Variants in PVT1 observed in about 807,000 individuals in gnomAD.
PVT1 encodes the protein Pvt1 oncogene.
At chr8:128,048,832 G>GT (rs1182314512) in intron 4 of PVT1, among the ~76,000 whole-genome samples, 3 of 152,208 alleles carry the variant, frequency 2.0e-5, no homozygotes, top group Non-Finnish European at 1.5e-5. Flanking sequence ...GGAGAAATGT[G>GT]TGGAGAGCCC....
chr8:128,099,300 A>T (rs965643109), intron 6 of PVT1: 2 of 152,148 alleles, frequency 1.3e-5, no homozygotes, highest in Non-Finnish European at 2.9e-5. Context: ...AGGCCAAGAG[A>T]CCTCTAGGTC....
intron 4 of PVT1, among the ~76,000 whole-genome samples, chr8:128,008,126 A>G (rs891151992): frequency 2.0e-5 from 3 of 152,220 alleles, no homozygotes; most frequent in African/African-American, 7.2e-5. Context: ...AGGAGCAGTG[A>G]TTCTTTAAGT....
intron 4 of PVT1, among the ~76,000 whole-genome samples, chr8:128,018,856 T>C (rs192696818): frequency 9.1e-4 from 138 of 152,284 alleles, no homozygotes; most frequent in Admixed American, 2.5e-3. Context: ...AATCCGACAG[T>C]GGTAGGGAAA....
At chr8:127,891,004 G>C (rs1815594256) in intron 3 of PVT1, 1 of 152,634 alleles carries the variant, frequency 6.6e-6, no homozygotes, top group Non-Finnish European at 1.5e-5. Context: ...TTGAGGTGAG[G>C]CTGTCCTGGC....
intron 2 of PVT1, among the ~76,000 whole-genome samples, chr8:127,819,109 G>A (rs977526110): frequency 2.0e-5 from 3 of 152,156 alleles, no homozygotes; most frequent in African/African-American, 7.2e-5. Context: ...CGAGCCCCGG[G>A]GTAGGCACAC....
chr8:127,935,147 G>A (rs1258308622), intron 3 of PVT1, among the ~76,000 whole-genome samples: 2 of 152,072 alleles, frequency 1.3e-5, no homozygotes, highest in Non-Finnish European at 2.9e-5. Flanking sequence ...TGTATTTTTA[G>A]TAGAGACGGG....
chr8:127,988,980 A>C lies in PVT1; in HGVS notation n.783-182A>C, dbSNP rs574594953. Reference sequence around the variant, plus strand: ...GGATTAAACAGTTTAATGTGTATAAAATGCCTAACACAGTGCTTGCCACAT... The same window carrying C: ...GGATTAAACAGTTTAATGTGTATAACATGCCTAACACAGTGCTTGCCACAT... On this transcript the variant is annotated intron_variant and non_coding_transcript_variant, in intron 3 of 10. Coordinates refer to ENST00000651587, the Ensembl canonical transcript of PVT1. Among the ~76,000 whole-genome samples the C allele has an allele frequency of 1.3e-4, 20 of 152,310 alleles. No individual in the cohort carries two copies. The East Asian group carries it at 2.1e-3, about 16-fold the overall frequency.
At chr8:127,908,128 G>C (rs184047194) in intron 3 of PVT1, among the ~76,000 whole-genome samples, 1 of 151,952 alleles carries the variant, frequency 6.6e-6, no homozygotes, top group Non-Finnish European at 1.5e-5. Context: ...CCTTCTTTTT[G>C]TGTGTTGGGT....
intron 4 of PVT1, among the ~76,000 whole-genome samples, chr8:128,012,467 C>T (rs1304467893): frequency 6.6e-6 from 1 of 152,150 alleles, no homozygotes; most frequent in Non-Finnish European, 1.5e-5. Flanking sequence ...ATGGAGGCTT[C>T]AAGAGTTGAG....
intron 4 of PVT1, among the ~76,000 whole-genome samples, chr8:128,053,985 G>A (rs1339786696): frequency 1.3e-5 from 2 of 152,238 alleles, no homozygotes; most frequent in Admixed American, 6.5e-5. Context: ...GTAGGAAACA[G>A]CTGCCTTTAG....
At chr8:128,083,900 G>C (rs1286672090) in intron 5 of PVT1, among the ~76,000 whole-genome samples, 1 of 152,134 alleles carries the variant, frequency 6.6e-6, no homozygotes, top group Non-Finnish European at 1.5e-5. Flanking sequence ...GCAATATTTT[G>C]AAATATACCT....
At chr8:128,095,464 G>A (rs1483418311) in intron 5 of PVT1, among the ~76,000 whole-genome samples, 2 of 152,210 alleles carry the variant, frequency 1.3e-5, no homozygotes, top group South Asian at 4.1e-4. Context: ...CCTGGCACAC[G>A]ATAGAATCTC....
At chr8:128,100,938 A>T (rs1327429758) in intron 6 of PVT1, 1 of 152,226 alleles carries the variant, frequency 6.6e-6, no homozygotes, top group Admixed American at 6.5e-5. Context: ...TCCTGTGAAT[A>T]ACACTACTAT....
chr8:127,796,498 G>T (rs1258529904), intron 2 of PVT1, among the ~76,000 whole-genome samples: 1 of 151,922 alleles, frequency 6.6e-6, no homozygotes, highest in African/African-American at 2.4e-5. Context: ...CGCCTCCTGA[G>T]CGGTAGGCAG....
intron 3 of PVT1, among the ~76,000 whole-genome samples, chr8:127,904,568 A>T (rs550607851): frequency 6.6e-6 from 1 of 152,212 alleles, no homozygotes; most frequent in Non-Finnish European, 1.5e-5. Flanking sequence ...GTGGTAGCCA[A>T]TACCTGGGAA....
intron 3 of PVT1, among the ~76,000 whole-genome samples, chr8:127,969,988 T>C (rs1360123006): frequency 6.6e-6 from 1 of 152,182 alleles, no homozygotes; most frequent in African/African-American, 2.4e-5. Flanking sequence ...ATGGATGAAG[T>C]GGAACTTTTC....
At chr8:127,903,349 AC>A (rs1815781861) in intron 3 of PVT1, among the ~76,000 whole-genome samples, 1 of 152,184 alleles carries the variant, frequency 6.6e-6, no homozygotes, top group Non-Finnish European at 1.5e-5. Context: ...TCAAATGCAT[AC>A]TTTGTGAATA....
intron 4 of PVT1, among the ~76,000 whole-genome samples, chr8:128,048,201 C>T (rs556186052): frequency 6.6e-5 from 10 of 152,362 alleles, no homozygotes; most frequent in African/African-American, 2.4e-4. Flanking sequence ...TGCCCATTTG[C>T]ATTGGTATCT....
intron 2 of PVT1, among the ~76,000 whole-genome samples, chr8:127,825,117 TAAAAAAAAAAAA>T (rs58377389): frequency 1.2e-5 from 1 of 81,056 alleles, no homozygotes. Flanking sequence ...AAACACTAGC[TAAAAAAAAAAAA>T]AAAAAAAAAA....
Sources: gnomAD v4.1 joint callset for allele counts (sites outside exome capture counted in the v4.1 genomes callset) on GRCh38, gnomAD v4.1.1 for gene constraint, MANE v1.5 for transcripts, NCBI Gene and HGNC (gene_info 2026-07-23, HGNC 2026-07-21) for gene names.